Variants in TRIP12 observed in about 807,000 individuals in gnomAD.
TRIP12 encodes the protein E3 ubiquitin-protein ligase TRIP12.
In TRIP12, 25 loss-of-function variants were observed where a neutral mutation model predicts 244.2. The ratio of observed to expected loss-of-function variants is 0.10; its 90% confidence interval spans 0.07 to 0.14. The LOEUF is 0.14. TRIP12 is among the 10% of genes least tolerant of loss of function. The pLI, the probability that TRIP12 is intolerant of heterozygous loss-of-function variation, is 1.00. For synonymous variants in TRIP12, 905 were observed against 873.1 expected (o/e 1.04, Z -0.64); for missense variants, 1,677 against 2,486.4 (o/e 0.67, Z 6.92).
chr2:229,906,279 C>G (rs1232128417), intron 1 of TRIP12, among the ~76,000 whole-genome samples: 4 of 141,312 alleles, frequency 2.8e-5, no homozygotes, highest in Non-Finnish European at 4.5e-5. Flanking sequence ...GCACTCCAAC[C>G]TGGCTGACAG....
intron 26 of TRIP12, chr2:229,793,442 A>C (rs1422171606): frequency 2.2e-5 from 4 of 185,178 alleles, no homozygotes; most frequent in Non-Finnish European, 4.5e-5. Flanking sequence ...ATGAATATTT[A>C]ATTATTTTTC....
chr2:229,802,188 T>C, intron 21 of TRIP12, 64 bp downstream of exon 21: 1 of 1,354,296 alleles, frequency 7.4e-7, no homozygotes. Flanking sequence ...CCCTATATGA[T>C]TCTTAGGTAC....
intron 2 of TRIP12, among the ~76,000 whole-genome samples, chr2:229,862,280 CTTTTGT>C (rs1192545597): frequency 2.0e-5 from 3 of 152,060 alleles, no homozygotes; most frequent in Non-Finnish European, 2.9e-5. Context: ...CTAAGAGTTG[CTTTTGT>C]TTTTGTTATA....
At chr2:229,839,104 A>G (rs1449740017) in intron 5 of TRIP12, among the ~76,000 whole-genome samples, 1 of 152,228 alleles carries the variant, frequency 6.6e-6, no homozygotes, top group Non-Finnish European at 1.5e-5. Flanking sequence ...CACGTATATG[A>G]CCGTGGTCCT....
chr2:229,833,760 T>A lies in TRIP12; in HGVS notation c.1271-2921A>T, dbSNP rs574832134. 4.6e-5 allele frequency among the ~76,000 whole-genome samples: 7 copies of A among 152,290 alleles called. No homozygotes were observed. In the South Asian group the frequency reaches 1.5e-3, roughly 32 times the overall value. On this transcript the variant is annotated intron_variant, in intron 6 of 41. Coordinates refer to ENST00000675903, the MANE Select transcript of TRIP12 (RefSeq NM_001348323.3). The stretch of plus-strand genomic sequence containing the variant: ...TAGATATGAGTTATGAGTTATCTAA[T>A]TTTGTAAAACATATATAAAAACTAT...
chr2:229,845,026 C>T (rs1376258058), intron 4 of TRIP12, among the ~76,000 whole-genome samples: 2 of 152,166 alleles, frequency 1.3e-5, no homozygotes, highest in Non-Finnish European at 2.9e-5. Context: ...CTCCACCATA[C>T]TGATTCATTC....
At chr2:229,798,262 T>C (rs1481518487) in intron 23 of TRIP12, among the ~76,000 whole-genome samples, 1 of 152,206 alleles carries the variant, frequency 6.6e-6, no homozygotes, top group African/African-American at 2.4e-5. Flanking sequence ...CTGCTTAAAT[T>C]ACAAATGCTG....
At chr2:229,906,370 G>A (rs1439502857) in intron 1 of TRIP12, among the ~76,000 whole-genome samples, 3 of 150,118 alleles carry the variant, frequency 2.0e-5, no homozygotes, top group African/African-American at 7.3e-5. Context: ...TTCTTCATCA[G>A]GTTTTACATC....
chr2:229,796,987 G>C (rs990430970), intron 24 of TRIP12, among the ~76,000 whole-genome samples: 1 of 151,792 alleles, frequency 6.6e-6, no homozygotes, highest in African/African-American at 2.4e-5. Flanking sequence ...AGGAAAACCA[G>C]GAATCCATAA....
At chr2:229,788,561 C>T (rs1304659638) in intron 32 of TRIP12, among the ~76,000 whole-genome samples, 1 of 152,214 alleles carries the variant, frequency 6.6e-6, no homozygotes, top group Non-Finnish European at 1.5e-5. Flanking sequence ...TATCCTCAGC[C>T]AAACTGCTAT....
chr2:229,793,254 G>T, intron 26 of TRIP12, 109 bp from the exon 27 acceptor site: 2 of 1,082,172 alleles, frequency 1.8e-6, no homozygotes, highest in Non-Finnish European at 2.6e-6. Flanking sequence ...AGACACACTA[G>T]TACTAAGCAT....
intron 5 of TRIP12, among the ~76,000 whole-genome samples, chr2:229,840,251 A>G (rs2056053646): frequency 6.6e-6 from 1 of 152,224 alleles, no homozygotes; most frequent in Non-Finnish European, 1.5e-5. Flanking sequence ...AAATAGCGTT[A>G]ACAACAAAGG....
chr2:229,902,254 G>A (rs1201817605), intron 1 of TRIP12, among the ~76,000 whole-genome samples: 1 of 151,958 alleles, frequency 6.6e-6, no homozygotes, highest in African/African-American at 2.4e-5. Flanking sequence ...CATAGTGGTC[G>A]TGCCTACAGT....
At chr2:229,834,332 A>G (rs2054204777) in intron 6 of TRIP12, among the ~76,000 whole-genome samples, 2 of 152,244 alleles carry the variant, frequency 1.3e-5, no homozygotes, top group Non-Finnish European at 2.9e-5. Flanking sequence ...AAGCTACCCA[A>G]TGCAAAATGA....
chr2:229,914,590 G>A (rs868671623), intron 1 of TRIP12, among the ~76,000 whole-genome samples: 14 of 152,160 alleles, frequency 9.2e-5, no homozygotes, highest in South Asian at 2.1e-4. Context: ...CCAGGGCATC[G>A]CACATGTTTA....
chr2:229,792,278 A>C, intron 27 of TRIP12, 52 bp from the exon 28 acceptor site: 1 of 1,567,370 alleles, frequency 6.4e-7, no homozygotes, highest in Non-Finnish European at 8.7e-7. Context: ...GTGTAAAAAA[A>C]AAAAAATCCT....
intron 1 of TRIP12, among the ~76,000 whole-genome samples, chr2:229,916,571 A>G (rs966148518): frequency 6.6e-6 from 1 of 152,194 alleles, no homozygotes; most frequent in Non-Finnish European, 1.5e-5. Flanking sequence ...ACGAACAAGC[A>G]TAACCATGAA....
intron 8 of TRIP12, among the ~76,000 whole-genome samples, chr2:229,824,624 T>TC (rs2051008481): frequency 1.3e-5 from 2 of 152,202 alleles, no homozygotes; most frequent in African/African-American, 2.4e-5. Flanking sequence ...CAGTTGAACA[T>TC]GCAACATGCA....
At chr2:229,828,775 T>A (rs962384558) in intron 8 of TRIP12, among the ~76,000 whole-genome samples, 3 of 151,654 alleles carry the variant, frequency 2.0e-5, no homozygotes, top group African/African-American at 7.3e-5. Flanking sequence ...TCAAAAAAAA[T>A]ATATATATAT....
Sources: allele counts gnomAD v4.1 joint callset (sites outside exome capture counted in the v4.1 genomes callset), GRCh38; gene constraint gnomAD v4.1.1; transcripts MANE v1.5; gene names NCBI Gene and HGNC (gene_info 2026-07-23, HGNC 2026-07-21).